The following USP9X variants were observed in gnomAD, a reference collection of about 807,000 sequenced individuals.
The protein encoded by USP9X is ubiquitin carboxyl-terminal hydrolase 9X.
A neutral mutation model predicts 190.3 loss-of-function variants in USP9X; 7 were observed. That is an observed-to-expected ratio of 0.04 (90% CI 0.02 to 0.07). The LOEUF (loss-of-function observed/expected upper bound fraction) is 0.07, where lower values mean the gene tolerates loss of function less well. USP9X is among the 10% of genes least tolerant of loss of function. The pLI is 1.00. For synonymous variants in USP9X, 645 were observed against 659.5 expected, an observed-to-expected ratio of 0.98 and a Z score of 0.34; for missense variants, 1,010 against 1,916.9, an observed-to-expected ratio of 0.53 and a Z score of 8.83.
intron 38 of USP9X, among the ~76,000 whole-genome samples, chrX:41,220,664 C>T (rs1387800660): frequency 8.9e-6 from 1 of 112,246 alleles, no homozygotes; most frequent in Non-Finnish European, 1.9e-5. Flanking sequence ...TAATGAAAAA[C>T]TTTGTTGGGC....
chrX:41,224,785 A>G lies in USP9X; in HGVS notation c.6795A>G (p.Ser2265=), dbSNP rs753470717. Residue 2265 remains serine, a synonymous_variant, in exon 40 of 45, where the codon TCA becomes TCG. Coordinates refer to ENST00000378308, the MANE Select transcript of USP9X (RefSeq NM_001039591.3). ...ATCCTTTTGGTGATCCTAATTTATC[A>G]CAACCTATAATGCCAATTCAGCAGA... The part of the protein sequence containing the change: ...LPNPFGDPNL[S]QPIMPIQQNV... 8.3e-7 allele frequency: 1 copy of G among 1,211,528 alleles called. No homozygotes were observed. The highest frequency in any genetic ancestry group is 1.1e-6 in the Non-Finnish European group (1 of 895,400).
chrX:41,207,079 C>CT (rs34779889), intron 32 of USP9X, among the ~76,000 whole-genome samples: 843 of 30,516 alleles, frequency 0.028, 116 homozygotes, highest in Non-Finnish European at 0.031. Flanking sequence ...GCTCCCTGGC[C>CT]TTTTTTTTTT....
At chrX:41,092,659 T>C (rs1399873888) in intron 1 of USP9X, among the ~76,000 whole-genome samples, 2 of 107,088 alleles carry the variant, frequency 1.9e-5, no homozygotes, top group East Asian at 2.8e-4. Context: ...AATACAGTTA[T>C]GTATAACTTA....
chrX:41,170,004 C>T lies in USP9X; in HGVS notation c.2646C>T (p.Arg882=), dbSNP rs755726740. 33 of 1,209,647 alleles carry T rather than the reference C, an allele frequency of 2.7e-5. No homozygotes were observed. Among genetic ancestry groups the T allele is most frequent in the Non-Finnish European group, 3.5e-5 (31 of 895,022 alleles). The change falls in exon 19 of 45, where the codon CGC becomes CGT. Residue 882 remains arginine (R), a synonymous_variant. Transcript: ENST00000378308. The stretch of plus-strand genomic sequence containing the variant: ...TTCTTTTTCCCCCCAGAGCATTCCG[C>T]GGTAAACACCTCTCTTTTGTAGTTC... ...RTILPMSRAF[R]GKHLSFVVRF...
chrX:41,215,854 T>C (rs2063207569), intron 34 of USP9X, 45 bp from the exon 35 acceptor site: 2 of 1,120,202 alleles, frequency 1.8e-6, no homozygotes, highest in Non-Finnish European at 2.4e-6. Flanking sequence ...TTTTTTCCTG[T>C]GGATTTTAAT....
At chrX:41,138,808 G>A (rs2062397789) in intron 6 of USP9X, among the ~76,000 whole-genome samples, 1 of 113,186 alleles carries the variant, frequency 8.8e-6, no homozygotes, top group Admixed American at 9.3e-5. Context: ...CTATCTTTGA[G>A]AAAAGGAACT....
chrX:41,127,499 A>G (rs1217952783), intron 2 of USP9X, among the ~76,000 whole-genome samples: 1 of 112,125 alleles, frequency 8.9e-6, no homozygotes, highest in Non-Finnish European at 1.9e-5. Context: ...AACTACCTGT[A>G]TATCAGGGGG....
At chrX:41,223,530 C>G (rs1036044323) in intron 39 of USP9X, 128 bp downstream of exon 39, 5 of 673,791 alleles carry the variant, frequency 7.4e-6, no homozygotes, top group Non-Finnish European at 1.1e-5. Flanking sequence ...CTCCGCCTCC[C>G]TGGTTTAAGC....
Position 41,125,919 on chromosome X carries a change from A to G in USP9X, c.96+2195A>G, listed in dbSNP as rs766989992. ...CTTACGATGTACAGCTCACATCACA[A>G]CTTACCTTCTATAGAGGTAAGAGGT... On this transcript the variant is annotated intron_variant, in intron 2 of 44. Coordinates refer to ENST00000378308, the MANE Select transcript of USP9X (RefSeq NM_001039591.3). Among the ~76,000 whole-genome samples, 14 of 111,319 alleles carry G rather than the reference A, an allele frequency of 1.3e-4. No individual in the cohort carries two copies. In the South Asian group the frequency reaches 4.9e-3, roughly 39 times the overall value.
intron 1 of USP9X, among the ~76,000 whole-genome samples, chrX:41,100,701 C>G (rs990032150): frequency 9.0e-6 from 1 of 111,120 alleles, no homozygotes; most frequent in African/African-American, 3.3e-5. Context: ...AGCTGGAGTG[C>G]AATGGCGTGA....
intron 14 of USP9X, among the ~76,000 whole-genome samples, chrX:41,159,210 T>G (rs1172956184): frequency 1.8e-5 from 2 of 111,745 alleles, no homozygotes; most frequent in Non-Finnish European, 3.8e-5. Flanking sequence ...ATGCTTAGTA[T>G]TATTAGTTAT....
intron 18 of USP9X, 70 bp downstream of exon 18, chrX:41,168,288 G>A (rs2062694753): frequency 6.6e-6 from 6 of 913,803 alleles, no homozygotes; most frequent in Non-Finnish European, 8.7e-6. Context: ...TTTGGTAAAA[G>A]GAGAGCAGAA....
chrX:41,177,252 C>CTGGTTGAGGACATTGTTAT (rs2062783291), intron 21 of USP9X, among the ~76,000 whole-genome samples: 1 of 112,398 alleles, frequency 8.9e-6, no homozygotes, highest in African/African-American at 3.2e-5. Flanking sequence ...GACTTTATAA[C>CTGGTTGAGGACATTGTTAT]AATGTTTTCT....
At chrX:41,144,480 C>T (rs1356934384) in intron 10 of USP9X, 42 bp from the exon 11 acceptor site, 2 of 1,043,182 alleles carry the variant, frequency 1.9e-6, no homozygotes, top group Admixed American at 4.4e-5. Context: ...ATCTATTACT[C>T]AGATTCTTGT....
chrX:41,195,870 C>A (rs1453036001), intron 26 of USP9X: 2 of 331,389 alleles, frequency 6.0e-6, no homozygotes, highest in Admixed American at 3.1e-5. Flanking sequence ...ACAGAATTTC[C>A]ACAGAGCTGT....
At position 41,196,300 on chromosome X, in the gene USP9X, T is replaced by A. The variant is rs1263450997; in HGVS notation, c.4027T>A (p.Cys1343Ser). Residue 1343 changes from cysteine to serine, a missense_variant, in exon 27 of 45, where the codon TGT becomes AGT. Around this residue, in one of 11 missense-constraint regions of USP9X, gnomAD observed 351 missense variants for 480.8 expected, o/e 0.73. Transcript: ENST00000378308. ...QEQFFLMCTR[C>S]CMGHRPLLFF... is the part of the protein sequence containing the mutation. Reference sequence around the variant, plus strand: ...GCAGTTCTTTTTAATGTGCACCAGATGTTGCATGGGACACCGGCCTCTACT... The same window carrying A: ...GCAGTTCTTTTTAATGTGCACCAGAAGTTGCATGGGACACCGGCCTCTACT... The A allele has an allele frequency of 8.3e-7, 1 of 1,210,345 alleles. No individual in the cohort carries two copies.
intron 34 of USP9X, among the ~76,000 whole-genome samples, chrX:41,215,633 C>T (rs192562922): frequency 1.5e-3 from 172 of 112,433 alleles, no homozygotes; most frequent in African/African-American, 5.3e-3. Flanking sequence ...AAACCACCTT[C>T]GTGGGAACAA....
chrX:41,181,582 G>A (rs1301578238), intron 21 of USP9X, among the ~76,000 whole-genome samples: 1 of 107,323 alleles, frequency 9.3e-6, no homozygotes, highest in Non-Finnish European at 1.9e-5. Context: ...CCGAGTAGCT[G>A]GGATTACAGA....
chrX:41,124,616 G>T (rs778088235), intron 2 of USP9X, among the ~76,000 whole-genome samples: 1 of 111,680 alleles, frequency 9.0e-6, no homozygotes, highest in Non-Finnish European at 1.9e-5. Flanking sequence ...AAATCATTCA[G>T]TGTAGCCTAT....
Sources: allele counts gnomAD v4.1 joint callset (sites outside exome capture counted in the v4.1 genomes callset), GRCh38; gene constraint gnomAD v4.1.1; regional missense constraint gnomAD v4.1.1; transcripts MANE v1.5; gene names NCBI Gene and HGNC (gene_info 2026-07-23, HGNC 2026-07-21).